Variants in TNFRSF13B observed in about 807,000 individuals in gnomAD.
TNFRSF13B encodes tumor necrosis factor receptor superfamily member 13B.
In TNFRSF13B, 34 loss-of-function variants were observed where a neutral mutation model predicts 24.0. That is an observed-to-expected ratio of 1.41 (90% CI 1.08 to 1.88). The LOEUF (loss-of-function observed/expected upper bound fraction) is 1.88, where lower values mean the gene tolerates loss of function less well. TNFRSF13B is among the 40% of genes most tolerant of loss of function. The pLI is 0.00. For missense variants in TNFRSF13B, 415 were observed against 380.8 expected (o/e 1.09, Z -0.75); for synonymous variants, 173 against 150.3 (o/e 1.15, Z -1.10).
chr17:16,946,086 C>T (rs1378341543), intron 3 of TNFRSF13B, among the ~76,000 whole-genome samples: 2 of 152,222 alleles, frequency 1.3e-5, no homozygotes. Context: ...GGAGAAAGCA[C>T]ACACCTCCGC....
intron 1 of TNFRSF13B, among the ~76,000 whole-genome samples, chr17:16,959,367 A>C (rs2087646128): frequency 6.6e-6 from 1 of 152,044 alleles, no homozygotes; most frequent in Non-Finnish European, 1.5e-5. Context: ...TACACTGAAA[A>C]AGAAGAATCA....
At chr17:16,952,762 G>A (rs1175923727) in intron 1 of TNFRSF13B, among the ~76,000 whole-genome samples, 179 bp from the exon 2 acceptor site, 1 of 152,170 alleles carries the variant, frequency 6.6e-6, no homozygotes, top group Non-Finnish European at 1.5e-5. Flanking sequence ...AGGGGCCTGG[G>A]GCAGCCACCT....
intron 3 of TNFRSF13B, among the ~76,000 whole-genome samples, chr17:16,946,592 A>ATTTTT (rs200643890): frequency 8.2e-6 from 1 of 121,526 alleles, no homozygotes; most frequent in Non-Finnish European, 1.9e-5. Context: ...TTATTTATTT[A>ATTTTT]TTTATTTTTT....
At chr17:16,970,816 C>T (rs1296546193) in intron 1 of TNFRSF13B, among the ~76,000 whole-genome samples, 1 of 152,222 alleles carries the variant, frequency 6.6e-6, no homozygotes, top group East Asian at 1.9e-4. Context: ...ACTGCCTTGT[C>T]CAAGTCTCTC....
At chr17:16,969,834 A>G (rs1044667045) in intron 1 of TNFRSF13B, among the ~76,000 whole-genome samples, 9 of 152,160 alleles carry the variant, frequency 5.9e-5, no homozygotes, top group African/African-American at 1.9e-4. Flanking sequence ...CAAATCTAAA[A>G]TCAAAGGATC....
intron 1 of TNFRSF13B, among the ~76,000 whole-genome samples, chr17:16,959,445 A>G (rs910418771): frequency 2.0e-5 from 3 of 151,936 alleles, no homozygotes; most frequent in Non-Finnish European, 4.4e-5. Flanking sequence ...AACAAACCAA[A>G]TCCAAAAATA....
Position 16,939,141 on chromosome 17 carries a change from G to T in TNFRSF13B, c.*406C>A. The T allele has an allele frequency of 5.9e-6, 1 of 170,394 alleles. No individual in the cohort carries two copies. Among genetic ancestry groups the T allele is most frequent in the Non-Finnish European group, 1.2e-5 (1 of 80,208 alleles). The allele number at this position is 170,394 out of a possible 1,614,324, so 10.6% of individuals were successfully genotyped here. A position where few individuals can be genotyped will look rare whatever the true frequency, so the allele number is the denominator to read the frequency against. On this transcript the variant is annotated 3_prime_UTR_variant, in exon 5 of 5. Coordinates refer to ENST00000261652, the MANE Select transcript of TNFRSF13B (RefSeq NM_012452.3). ...CCAGGAGGAGGGGCTCTCGGGGGCT[G>T]TGAGCAGCAGGCACGAGGACTTTAT...
At chr17:16,958,223 A>C (rs968509517) in intron 1 of TNFRSF13B, among the ~76,000 whole-genome samples, 1 of 152,120 alleles carries the variant, frequency 6.6e-6, no homozygotes, top group African/African-American at 2.4e-5. Flanking sequence ...AAAATAACTA[A>C]AATATGTATA....
chr17:16,939,833 T>C, intron 4 of TNFRSF13B, 36 bp from the exon 5 acceptor site: 1 of 1,599,406 alleles, frequency 6.3e-7, no homozygotes, highest in Non-Finnish European at 8.5e-7. Context: ...GGGCCAGGCC[T>C]GGCCCTGCAC....
chr17:16,967,851 A>C (rs1164969126), intron 1 of TNFRSF13B, among the ~76,000 whole-genome samples: 1 of 151,202 alleles, frequency 6.6e-6, no homozygotes, highest in Non-Finnish European at 1.5e-5. Flanking sequence ...AAAGAAATGC[A>C]AGAAGGCCAG....
intron 1 of TNFRSF13B, among the ~76,000 whole-genome samples, chr17:16,958,810 T>A (rs1428319186): frequency 1.3e-5 from 2 of 151,940 alleles, no homozygotes; most frequent in Non-Finnish European, 2.9e-5. Context: ...TTCCAAAATA[T>A]ATGAAACAAA....
chr17:16,969,136 C>T lies in TNFRSF13B; in HGVS notation c.61+2879G>A, dbSNP rs557523313. Among the ~76,000 whole-genome samples the T allele has an allele frequency of 4.5e-4, 68 of 152,334 alleles. 1 individual carries two copies. In the South Asian group the frequency reaches 5.2e-3, roughly 12 times the overall value. ...TGCAGCTGCTTTGGAAAGCATTTTG[C>T]AGTTCCTTAAAATGTTAAACATAGA... On this transcript the variant is annotated intron_variant, in intron 1 of 4. Coordinates refer to ENST00000261652, the MANE Select transcript of TNFRSF13B (RefSeq NM_012452.3).
In TNFRSF13B at chr17:16,948,895, G is replaced by T. The variant is rs778997868; in HGVS notation, c.288C>A (p.His96Gln). Reference sequence around the variant, plus strand: ...CACAGAAGTATGCACATTGCTTAGGGTGCTGTCCACAGATGGAGGCACAGC... The same window carrying T: ...CACAGAAGTATGCACATTGCTTAGGTTGCTGTCCACAGATGGAGGCACAGC... Reference protein sequence around the residue: ...CISCASICGQHPKQCAYFCEN... With the variant: ...CISCASICGQQPKQCAYFCEN... The change falls in exon 3 of 5, where the codon CAC becomes CAA. Residue 96 changes from histidine (H) to glutamine (Q), a missense_variant. His to Gln is a conservative substitution (Grantham distance 24, BLOSUM62 0). Transcript: ENST00000261652. The T allele has an allele frequency of 6.2e-7, 1 of 1,614,200 alleles. No individual in the cohort carries two copies. The highest frequency in any genetic ancestry group is 1.1e-5 in the South Asian group (1 of 91,080).
At chr17:16,966,819 G>GTTTTTTTT (rs1395115965) in intron 1 of TNFRSF13B, among the ~76,000 whole-genome samples, 1 of 125,910 alleles carries the variant, frequency 7.9e-6, no homozygotes, top group African/African-American at 3.0e-5. Context: ...GGTTTTTTTT[G>GTTTTTTTT]TTTTTTCTTT....
At chr17:16,955,539 T>G (rs1018492705) in intron 1 of TNFRSF13B, among the ~76,000 whole-genome samples, 5 of 152,192 alleles carry the variant, frequency 3.3e-5, no homozygotes, top group Non-Finnish European at 5.9e-5. Flanking sequence ...GATTATGGAA[T>G]CATTTCAGGA....
At position 16,972,111 on chromosome 17, in the gene TNFRSF13B, T is replaced by C. The variant is rs2087749738; in HGVS notation, c.-36A>G. 8 of 1,612,772 alleles carry C rather than the reference T, an allele frequency of 5.0e-6. No individual in the cohort carries two copies. Among genetic ancestry groups the C allele is most frequent in the Non-Finnish European group, 6.8e-6 (8 of 1,179,922 alleles). On this transcript the variant is annotated 5_prime_UTR_variant, in exon 1 of 5. Coordinates refer to ENST00000261652, the MANE Select transcript of TNFRSF13B (RefSeq NM_012452.3). ...GCTTATTACTAGTCTTAGATTTGATTAGTGCTTGGGCTGCACTTCCTGGGT... is the reference window on the plus strand; with the variant it reads ...GCTTATTACTAGTCTTAGATTTGATCAGTGCTTGGGCTGCACTTCCTGGGT...
intron 3 of TNFRSF13B, among the ~76,000 whole-genome samples, chr17:16,943,678 A>G (rs1030007570): frequency 1.3e-5 from 2 of 152,100 alleles, no homozygotes; most frequent in Non-Finnish European, 2.9e-5. Flanking sequence ...GCCCTCTGTC[A>G]TCTGGCATCT....
chr17:16,940,512 C>T lies in TNFRSF13B; in HGVS notation c.446-1G>A. ...GCACTCAGCTTCAGCCCCGGGAGAGCTGCAAGACAGCATGAGACCCCTCTC... is the reference window on the plus strand; with the variant it reads ...GCACTCAGCTTCAGCCCCGGGAGAGTTGCAAGACAGCATGAGACCCCTCTC... On this transcript the variant is annotated splice_acceptor_variant, in intron 3 of 4. Transcript: ENST00000261652. LOFTEE classifies it high-confidence loss of function. 6.2e-7 allele frequency: 1 copy of T among 1,613,028 alleles called. No individual in the cohort carries two copies. Among genetic ancestry groups the T allele is most frequent in the Non-Finnish European group, 8.5e-7 (1 of 1,179,944 alleles).
chr17:16,941,963 G>A lies in TNFRSF13B; in HGVS notation c.446-1452C>T, dbSNP rs570143669. 3.3e-5 allele frequency among the ~76,000 whole-genome samples: 5 copies of A among 152,232 alleles called. No homozygotes were observed. The South Asian group carries it at 6.2e-4, about 19-fold the overall frequency. On this transcript the variant is annotated intron_variant, in intron 3 of 4. Coordinates refer to ENST00000261652, the MANE Select transcript of TNFRSF13B (RefSeq NM_012452.3). ...ATTAGACCTTCGTTTCTCTTTAGGC[G>A]GAATGGACAGACCACATCTGTTTAC...
Sources: gnomAD v4.1 joint callset for allele counts (sites outside exome capture counted in the v4.1 genomes callset) on GRCh38, gnomAD v4.1.1 for gene constraint, MANE v1.5 for transcripts, NCBI Gene and HGNC (gene_info 2026-07-23, HGNC 2026-07-21) for gene names.